Variants in SLC24A2 observed in about 807,000 individuals in gnomAD.
The protein encoded by SLC24A2 is solute carrier family 24 member 2.
SLC24A2 carries 36 observed loss-of-function variants against 62.0 expected under a neutral mutation model. That is an observed-to-expected ratio of 0.58 (90% CI 0.44 to 0.77). SLC24A2 has a LOEUF of 0.77. Ranked by LOEUF, SLC24A2 falls within the 30% of genes least tolerant of loss-of-function variation. The pLI is 0.00. For missense variants in SLC24A2, 846 were observed against 817.9 expected, an observed-to-expected ratio of 1.03 and a Z score of -0.42; for synonymous variants, 358 against 294.0, an observed-to-expected ratio of 1.22 and a Z score of -2.23.
At chr9:19,534,150 C>T (rs1833841317) in intron 8 of SLC24A2, among the ~76,000 whole-genome samples, 1 of 152,092 alleles carries the variant, frequency 6.6e-6, no homozygotes, top group Non-Finnish European at 1.5e-5. Flanking sequence ...TAATGTTGTA[C>T]AGCTAATCAG....
chr9:20,298,477 C>T, the SLC24A2 span, among the ~76,000 whole-genome samples: 1 of 152,204 alleles, frequency 6.6e-6, no homozygotes, highest in Non-Finnish European at 1.5e-5. Context: ...GATCGGCCTG[C>T]CTCGGCCTCC....
chr9:20,232,580 T>C, the SLC24A2 span, among the ~76,000 whole-genome samples: 17 of 152,204 alleles, frequency 1.1e-4, no homozygotes, highest in African/African-American at 3.9e-4. Flanking sequence ...TCGGTAGTGA[T>C]ATCCCCTTTA....
the SLC24A2 span, among the ~76,000 whole-genome samples, chr9:20,002,024 CAA>C: frequency 6.6e-6 from 1 of 152,038 alleles, no homozygotes; most frequent in African/African-American, 2.4e-5. Context: ...TTTTGATTTT[CAA>C]AAGTTTGAGG....
the SLC24A2 span, among the ~76,000 whole-genome samples, chr9:20,036,874 ATGTG>A: frequency 2.0e-5 from 3 of 149,410 alleles, no homozygotes; most frequent in Non-Finnish European, 3.0e-5. Context: ...ATATGTATAT[ATGTG>A]TGTGTGTGTG....
the SLC24A2 span, among the ~76,000 whole-genome samples, chr9:20,108,700 G>A: frequency 6.0e-5 from 9 of 150,046 alleles, no homozygotes; most frequent in East Asian, 9.9e-4. Context: ...GACTGTTGTC[G>A]GGTTGGGGGA....
chr9:20,269,940 C>G, the SLC24A2 span, among the ~76,000 whole-genome samples: 1 of 152,168 alleles, frequency 6.6e-6, no homozygotes, highest in African/African-American at 2.4e-5. Flanking sequence ...CACAGTTCTG[C>G]AGGCTAGGAA....
At chr9:19,871,607 T>C in the SLC24A2 span, among the ~76,000 whole-genome samples, 2 of 152,184 alleles carry the variant, frequency 1.3e-5, no homozygotes, top group African/African-American at 4.8e-5. Context: ...TGTGTGCATG[T>C]GTGTAGATAC....
At chr9:20,166,166 A>T in the SLC24A2 span, among the ~76,000 whole-genome samples, 4 of 151,970 alleles carry the variant, frequency 2.6e-5, no homozygotes, top group African/African-American at 9.7e-5. Context: ...GCACACTCAC[A>T]TTGCTGGTAG....
chr9:19,944,441 T>TAAAAAAAAAAAAAAAAA, the SLC24A2 span, among the ~76,000 whole-genome samples: 1 of 78,524 alleles, frequency 1.3e-5, no homozygotes, highest in South Asian at 3.7e-4. Context: ...AAAGTAGTAG[T>TAAAAAAAAAAAAAAAAA]AAAAAAAAAA....
intron 2 of SLC24A2, among the ~76,000 whole-genome samples, chr9:19,715,569 T>C (rs886955122): frequency 6.6e-6 from 1 of 152,222 alleles, no homozygotes; most frequent in Non-Finnish European, 1.5e-5. Context: ...TCGAAAGTTT[T>C]ATTTTTCTAC....
chr9:20,253,336 T>C, the SLC24A2 span, among the ~76,000 whole-genome samples: 1 of 152,232 alleles, frequency 6.6e-6, no homozygotes, highest in Non-Finnish European at 1.5e-5. Context: ...CATTCATGAA[T>C]GCACTTTGAG....
At chr9:19,829,184 G>T in the SLC24A2 span, among the ~76,000 whole-genome samples, 1 of 152,126 alleles carries the variant, frequency 6.6e-6, no homozygotes, top group Non-Finnish European at 1.5e-5. Flanking sequence ...CATAGCTCTT[G>T]TTTCTCTGTG....
the SLC24A2 span, among the ~76,000 whole-genome samples, chr9:20,261,283 TA>T: frequency 6.6e-6 from 1 of 151,774 alleles, no homozygotes; most frequent in Non-Finnish European, 1.5e-5. Flanking sequence ...CTTCATAATT[TA>T]AAAAAAACTG....
chr9:20,110,056 C>T, the SLC24A2 span, among the ~76,000 whole-genome samples: 21 of 152,136 alleles, frequency 1.4e-4, no homozygotes, highest in African/African-American at 3.4e-4. Flanking sequence ...TCTATTTCAA[C>T]GTCAAGTAAT....
intron 2 of SLC24A2, among the ~76,000 whole-genome samples, chr9:19,681,140 A>T (rs1461236895): frequency 1.3e-5 from 2 of 151,412 alleles, no homozygotes; most frequent in African/African-American, 4.9e-5. Flanking sequence ...CAGATCTACA[A>T]CTACCTGCTT....
At chr9:20,202,961 G>T in the SLC24A2 span, among the ~76,000 whole-genome samples, 4 of 152,114 alleles carry the variant, frequency 2.6e-5, no homozygotes, top group Non-Finnish European at 2.9e-5. Flanking sequence ...ATGCATTGGA[G>T]TAAAGTAGAT....
chr9:19,606,747 C>T (rs1051711434), intron 4 of SLC24A2, among the ~76,000 whole-genome samples: 21 of 152,118 alleles, frequency 1.4e-4, no homozygotes, highest in African/African-American at 4.8e-4. Flanking sequence ...TGTATGTGCA[C>T]GTGTGTATAA....
the SLC24A2 span, among the ~76,000 whole-genome samples, chr9:19,936,733 T>C: frequency 2.0e-5 from 3 of 152,304 alleles, no homozygotes; most frequent in Non-Finnish European, 4.4e-5. Context: ...AGGAGGAAAC[T>C]TACATTAAAT....
At chr9:20,197,298 GAA>G in the SLC24A2 span, among the ~76,000 whole-genome samples, 8 of 152,170 alleles carry the variant, frequency 5.3e-5, no homozygotes, top group South Asian at 1.2e-3. Context: ...CTCACAATAG[GAA>G]AAGAGTCCCC....
Sources: allele counts gnomAD v4.1 joint callset (sites outside exome capture counted in the v4.1 genomes callset), GRCh38; gene constraint gnomAD v4.1.1; transcripts MANE v1.5; gene names NCBI Gene and HGNC (gene_info 2026-07-23, HGNC 2026-07-21).